Variants in GPI observed in about 807,000 individuals in gnomAD.
GPI encodes glucose-6-phosphate isomerase.
Under a neutral mutation model 75.8 loss-of-function variants are expected in GPI, and 56 were observed. That is an observed-to-expected ratio of 0.74 (90% CI 0.60 to 0.92). GPI has a LOEUF of 0.92. Ranked by LOEUF, GPI falls within the 40% of genes least tolerant of loss-of-function variation. The pLI is 0.00. For synonymous variants in GPI, 288 were observed against 285.4 expected, an observed-to-expected ratio of 1.01 and a Z score of -0.09; for missense variants, 638 against 741.0, an observed-to-expected ratio of 0.86 and a Z score of 1.61.
At position 34,399,943 on chromosome 19, in the gene GPI, G is replaced by A. The variant is rs1157215086; in HGVS notation, c.1584G>A (p.Glu528=). The A allele has an allele frequency of 7.4e-6, 12 of 1,613,940 alleles. No homozygotes were observed. The highest frequency in any genetic ancestry group is 8.5e-6 in the Non-Finnish European group (10 of 1,179,950). The change falls in exon 18 of 18, where the codon GAG becomes GAA. Residue 528 remains glutamate, a synonymous_variant. Coordinates refer to ENST00000356487, the MANE Select transcript of GPI (RefSeq NM_000175.5). ...GKQLAKKIEP[E]LDGSAQVTSH... ...AGCTGGCTAAGAAAATAGAGCCTGA[G>A]CTTGATGGCAGTGCTCAAGTGACCT...
At chr19:34,372,773 TTTTG>T (rs879802660) in intron 4 of GPI, among the ~76,000 whole-genome samples, 5 of 152,020 alleles carry the variant, frequency 3.3e-5, no homozygotes, top group South Asian at 2.1e-4. Context: ...CCTGTCTCTT[TTTTG>T]TTTGTTTGTT....
intron 4 of GPI, among the ~76,000 whole-genome samples, chr19:34,375,611 T>G (rs1223264380): frequency 6.6e-6 from 1 of 152,318 alleles, no homozygotes; most frequent in East Asian, 1.9e-4. Flanking sequence ...GACCCCCCTC[T>G]AAAGTGTCCC....
chr19:34,381,739 A>G lies in GPI; in HGVS notation c.804+220A>G, dbSNP rs546081992. 1.4e-5 allele frequency: 9 copies of G among 621,694 alleles called. No homozygotes were observed. In the South Asian group the frequency reaches 1.7e-4, roughly 11 times the overall value. 38.5% of individuals were successfully genotyped at this position (621,694 alleles called of 1,614,324 possible). The stretch of plus-strand genomic sequence containing the variant: ...GAGGGCGGGCTGAGCTTGCAGGGCC[A>G]CATGACACTCCCTTGGGTGCCTGCC... On this transcript the variant is annotated intron_variant, in intron 9 of 17. Coordinates refer to ENST00000356487, the MANE Select transcript of GPI (RefSeq NM_000175.5).
At chr19:34,398,791 T>A in intron 14 of GPI, 1 of 186,636 alleles carries the variant, frequency 5.4e-6, no homozygotes, top group Non-Finnish European at 1.1e-5. Context: ...CACTGCACCC[T>A]CTGCCTCCCA....
chr19:34,363,925 T>C (rs967647957), upstream of GPI, among the ~76,000 whole-genome samples: 1 of 152,164 alleles, frequency 6.6e-6, no homozygotes, highest in Admixed American at 6.5e-5. Context: ...GAGTTGACAG[T>C]TCTTAGAAAA....
chr19:34,384,263 G>A (rs114600448), intron 9 of GPI, among the ~76,000 whole-genome samples: 5 of 152,172 alleles, frequency 3.3e-5, no homozygotes, highest in Non-Finnish European at 5.9e-5. Flanking sequence ...ATGACGAACC[G>A]CATCCATCAG....
chr19:34,371,199 G>C (rs2074446891), intron 4 of GPI, among the ~76,000 whole-genome samples: 1 of 152,214 alleles, frequency 6.6e-6, no homozygotes, highest in African/African-American at 2.4e-5. Context: ...GGCTGATAAG[G>C]TATTTATAGT....
At chr19:34,388,077 C>G (rs2074764874) in intron 9 of GPI, among the ~76,000 whole-genome samples, 1 of 152,148 alleles carries the variant, frequency 6.6e-6, no homozygotes, top group Non-Finnish European at 1.5e-5. Context: ...GTATGATAGA[C>G]AGAGCTCAGG....
At position 34,366,844 on chromosome 19, in the gene GPI, A is replaced by G. The variant is rs1374263161; in HGVS notation, c.275A>G (p.Tyr92Cys). The change falls in exon 3 of 18, where the codon TAC becomes TGC. Residue 92 changes from tyrosine (Y) to cysteine (C), a missense_variant. Transcript: ENST00000356487. The stretch of plus-strand genomic sequence containing the variant: ...ATGTTCAATGGTGAGAAGATCAACT[A>G]CACCGAGGTGAGCAGGCCCCACATA... ...ERMFNGEKIN[Y>C]TEGRAVLHVA... 2 of 1,611,824 alleles carry G rather than the reference A, an allele frequency of 1.2e-6. No individual in the cohort carries two copies. Among genetic ancestry groups the G allele is most frequent in the Middle Eastern group, 1.7e-4 (1 of 6,032 alleles).
At position 34,394,063 on chromosome 19, in the gene GPI, G is replaced by A. The variant is rs748490996; in HGVS notation, c.1059G>A (p.Gln353=). The A allele has an allele frequency of 6.2e-7, 1 of 1,610,370 alleles. No homozygotes were observed. The highest frequency in any genetic ancestry group is 8.5e-7 in the Non-Finnish European group (1 of 1,179,236). ...TGCACCGCTTTGCTGCGTACTTCCA[G>A]CAGGTACCAGCTGCCAAGCCAGGCC... The part of the protein sequence containing the change: ...QYLHRFAAYF[Q]QGDMESNGKY... Residue 353 remains glutamine (Q), a synonymous_variant, in exon 12 of 18, where the codon CAG becomes CAA. Transcript: ENST00000356487.
chr19:34,396,119 G>A (rs2074940924), intron 12 of GPI, among the ~76,000 whole-genome samples, 182 bp from the exon 13 acceptor site: 1 of 152,036 alleles, frequency 6.6e-6, no homozygotes, highest in African/African-American at 2.4e-5. Context: ...TGTATTTTTA[G>A]TAGAGACAGG....
intron 9 of GPI, among the ~76,000 whole-genome samples, chr19:34,386,067 T>C (rs976848450): frequency 6.0e-5 from 9 of 151,104 alleles, no homozygotes; most frequent in Non-Finnish European, 1.3e-4. Flanking sequence ...GGAGCCAGGG[T>C]CAGACTCAGG....
chr19:34,397,009 C>G (rs752083047), intron 14 of GPI, among the ~76,000 whole-genome samples: 1 of 152,158 alleles, frequency 6.6e-6, no homozygotes, highest in Non-Finnish European at 1.5e-5. Context: ...GGGGGTTTCA[C>G]TATGTTGGCC....
intron 1 of GPI, chr19:34,365,886 G>T (rs945076881): frequency 1.5e-5 from 7 of 472,430 alleles, no homozygotes; most frequent in South Asian, 7.7e-5. Flanking sequence ...ACCTGTGCAC[G>T]ACCGGGAAGT....
At position 34,383,928 on chromosome 19, in the gene GPI, T is replaced by A. The variant is rs374677512; in HGVS notation, c.804+2409T>A. 1.1e-4 allele frequency among the ~76,000 whole-genome samples: 16 copies of A among 152,210 alleles called. No individual in the cohort carries two copies. In the South Asian group the frequency reaches 3.3e-3, roughly 32 times the overall value. ...GTGTGAGGAAAGTGTCTGTTCAGGT[T>A]AGGTGTGTATAATGCAGCCTTTCAG... On this transcript the variant is annotated intron_variant, in intron 9 of 17. Coordinates refer to ENST00000356487, the MANE Select transcript of GPI (RefSeq NM_000175.5).
upstream of GPI, chr19:34,359,963 A>G (rs1413275276): frequency 6.6e-6 from 1 of 152,262 alleles, no homozygotes; most frequent in African/African-American, 2.4e-5. Context: ...TTATGCTTGA[A>G]ATTAAATCTT....
At chr19:34,377,009 T>G (rs1047303474) in intron 4 of GPI, among the ~76,000 whole-genome samples, 1 of 148,434 alleles carries the variant, frequency 6.7e-6, no homozygotes, top group Non-Finnish European at 1.5e-5. Context: ...AAAAAAAAAA[T>G]TAAAAATAAA....
chr19:34,366,757 C>A, intron 2 of GPI, 26 bp from the exon 3 acceptor site: 1 of 1,580,560 alleles, frequency 6.3e-7, no homozygotes, highest in Non-Finnish European at 8.7e-7. Context: ...TGGGTGGGAC[C>A]AGGCCTCAGT....
intron 3 of GPI, chr19:34,367,078 A>G: frequency 2.9e-6 from 2 of 688,970 alleles, no homozygotes; most frequent in Non-Finnish European, 5.3e-6. Flanking sequence ...TCTGCCTGGG[A>G]GGAGCATATC....
Sources: allele counts gnomAD v4.1 joint callset (sites outside exome capture counted in the v4.1 genomes callset), GRCh38; gene constraint gnomAD v4.1.1; transcripts MANE v1.5; gene names NCBI Gene and HGNC (gene_info 2026-07-23, HGNC 2026-07-21).